CCND2: variants seen among roughly 807,000 people sequenced by gnomAD.
CCND2 encodes G1/S-specific cyclin-D2.
CCND2 carries 6 observed loss-of-function variants against 30.2 expected under a neutral mutation model. That is an observed-to-expected ratio of 0.20 (90% CI 0.11 to 0.39). The LOEUF (loss-of-function observed/expected upper bound fraction) is 0.39. Among genes scored for constraint, CCND2 ranks in the 10% least tolerant of loss-of-function variants. CCND2 has a pLI of 1.00. For missense variants in CCND2, 235 were observed against 373.4 expected, an observed-to-expected ratio of 0.63 and a Z score of 3.06; for synonymous variants, 150 against 153.1, an observed-to-expected ratio of 0.98 and a Z score of 0.15.
chr12:4,290,422 T>A (rs932005784), intron 4 of CCND2, among the ~76,000 whole-genome samples: 1 of 152,232 alleles, frequency 6.6e-6, no homozygotes. Context: ...AGGAAAATCG[T>A]GGACGGGACT....
In CCND2 at chr12:4,274,255, T is replaced by C. The variant is rs1211245280; in HGVS notation, c.195+20T>C. ...CTGGAGGTAGGTCGGGGGGTGGCGCTCGCCAGGAGCCAGGACCCCTCCGGA... is the reference window on the plus strand; with the variant it reads ...CTGGAGGTAGGTCGGGGGGTGGCGCCCGCCAGGAGCCAGGACCCCTCCGGA... On this transcript the variant is annotated intron_variant, in intron 1 of 4. Coordinates refer to ENST00000261254, the MANE Select transcript of CCND2 (RefSeq NM_001759.4). The surrounding 1 kb of genome is among the most constrained non-coding windows in gnomAD (Gnocchi z 7.7). 6.2e-7 allele frequency: 1 copy of C among 1,612,090 alleles called. No homozygotes were observed. The highest frequency in any genetic ancestry group is 8.5e-7 in the Non-Finnish European group (1 of 1,178,776).
Position 4,278,702 on chromosome 12 carries a change from C to T in CCND2, c.412-58C>T, listed in dbSNP as rs1863906381. 1.9e-6 allele frequency: 3 copies of T among 1,583,918 alleles called. No homozygotes were observed. In the East Asian group the frequency reaches 6.7e-5, roughly 36 times the overall value. ...CTGGAGCCCAACCCCCAGCCCCCTA[C>T]ACCAGGTCAGCCTGTGGAATTTAGA... On this transcript the variant is annotated intron_variant, in intron 2 of 4. Transcript: ENST00000261254.
chr12:4,285,353 CCT>C lies in CCND2; in HGVS notation c.572-3488_572-3487del, dbSNP rs1279129749. On this transcript the variant is annotated intron_variant, in intron 3 of 4. Transcript: ENST00000261254. The surrounding 1 kb of genome is among the most constrained non-coding windows in gnomAD (Gnocchi z 4.1). ...ACGATGGCGAGGGCACACCCTCACC[CCT>C]GAGCGTGCCTTCTGCACCAGCATAT... is the stretch of plus-strand genomic sequence containing the variant. 1.0e-6 allele frequency: 1 copy of C among 985,048 alleles called. No individual in the cohort carries two copies. Among genetic ancestry groups the C allele is most frequent in the Non-Finnish European group, 1.2e-6 (1 of 829,720 alleles). 61.0% of individuals were successfully genotyped at this position (985,048 alleles called of 1,614,324 possible).
intron 4 of CCND2, among the ~76,000 whole-genome samples, chr12:4,298,343 A>C (rs1864203027): frequency 6.6e-6 from 1 of 152,216 alleles, no homozygotes; most frequent in Non-Finnish European, 1.5e-5. Context: ...TAGATGAGAG[A>C]TAGGAAAGGA....
rs140175579 is a variant in CCND2 at position 4,276,636 on chromosome 12, C to T, written c.411+416C>T. On this transcript the variant is annotated intron_variant, in intron 2 of 4. Transcript: ENST00000261254. The surrounding 1 kb of genome is among the most constrained non-coding windows in gnomAD (Gnocchi z 4.8). ...ATGTGGCTGTGGTGTCTCCTAAAAA[C>T]TTGGAGTTCAAAGGTAATGCCCTCT... Among the ~76,000 whole-genome samples, 204 of 152,344 alleles carry T rather than the reference C, an allele frequency of 1.3e-3. No individual in the cohort carries two copies. Among genetic ancestry groups the T allele is most frequent in the African/African-American group, 4.7e-3 (194 of 41,586 alleles).
rs372914898 is a variant in CCND2 at position 4,300,038 on chromosome 12, C to T, written c.*29C>T. On this transcript the variant is annotated 3_prime_UTR_variant, in exon 5 of 5. Transcript: ENST00000261254. The stretch of plus-strand genomic sequence containing the variant: ...TGCCAGTTGGGCCGAAAGAGAGAGA[C>T]GCGTCCATAATCTGGTCTCTTCTTC... The T allele has an allele frequency of 3.2e-5, 52 of 1,603,518 alleles. No individual in the cohort carries two copies. The highest frequency in any genetic ancestry group is 4.0e-5 in the African/African-American group (3 of 74,686).
At chr12:4,283,608 A>G (rs1433190840) in intron 3 of CCND2, among the ~76,000 whole-genome samples, 1 of 152,046 alleles carries the variant, frequency 6.6e-6, no homozygotes, top group African/African-American at 2.4e-5. Context: ...TTAATACCTC[A>G]CCATCATCAC....
rs1169497492 is a variant in CCND2 at position 4,285,055 on chromosome 12, G to A, written c.572-3787G>A. Among the ~76,000 whole-genome samples, 1 of 152,100 alleles carries A rather than the reference G, an allele frequency of 6.6e-6. No individual in the cohort carries two copies. Among genetic ancestry groups the A allele is most frequent in the Non-Finnish European group, 1.5e-5 (1 of 68,014 alleles). On this transcript the variant is annotated intron_variant, in intron 3 of 4. Transcript: ENST00000261254. The surrounding 1 kb of genome is among the most constrained non-coding windows in gnomAD (Gnocchi z 4.1). ...CAGCCTTCAAGAGCCCCCTTTCTTT[G>A]AGAAGTTTCTTCAGAAGTTATCCAT... is the stretch of plus-strand genomic sequence containing the variant.
At position 4,286,173 on chromosome 12, in the gene CCND2, C is replaced by T. The variant is rs898792867; in HGVS notation, c.572-2669C>T. ...TTCTCCGAACAATATTTACTCTTAACGACATACGGTGAGCCTGATACTTTC... is the reference window on the plus strand; with the variant it reads ...TTCTCCGAACAATATTTACTCTTAATGACATACGGTGAGCCTGATACTTTC... On this transcript the variant is annotated intron_variant, in intron 3 of 4. Coordinates refer to ENST00000261254, the MANE Select transcript of CCND2 (RefSeq NM_001759.4). Among the ~76,000 whole-genome samples the T allele has an allele frequency of 4.1e-4, 62 of 152,176 alleles. 1 individual carries two copies. The highest frequency in any genetic ancestry group is 1.4e-3 in the African/African-American group (57 of 41,438).
At chr12:4,283,686 T>C (rs1412914579) in intron 3 of CCND2, among the ~76,000 whole-genome samples, 1 of 152,234 alleles carries the variant, frequency 6.6e-6, no homozygotes, top group Non-Finnish European at 1.5e-5. Flanking sequence ...CAGCTGGGAT[T>C]CCCCTAAGGT....
rs1406249525 is a variant in CCND2, at chr12:4,274,492, G to A, written c.195+257G>A. On this transcript the variant is annotated intron_variant, in intron 1 of 4. Coordinates refer to ENST00000261254, the MANE Select transcript of CCND2 (RefSeq NM_001759.4). The surrounding 1 kb of genome is among the most constrained non-coding windows in gnomAD (Gnocchi z 7.7). ...GCGGGGGTAGGGGAGCATCCCGCGC[G>A]CGTGTTCCTGCATGTGGCTGCCTCT... 2.0e-5 allele frequency among the ~76,000 whole-genome samples: 3 copies of A among 152,246 alleles called. No individual in the cohort carries two copies. The highest frequency in any genetic ancestry group is 4.4e-5 in the Non-Finnish European group (3 of 68,050).
rs1158365084 is a variant in CCND2 at position 4,274,015 on chromosome 12, G to C, written c.-26G>C. On this transcript the variant is annotated 5_prime_UTR_variant, in exon 1 of 5. Transcript: ENST00000261254. This position sits in a 1 kb window ranked among gnomAD's most constrained non-coding sequence, Gnocchi z 7.7. ...CCTTTTTCCAGGCCGGGGAAAGCAG[G>C]AGGGAGAGGGGCCGCCGGGCTGGCC... The C allele has an allele frequency of 1.9e-6, 3 of 1,603,000 alleles. No individual in the cohort carries two copies. Among genetic ancestry groups the C allele is most frequent in the Non-Finnish European group, 2.6e-6 (3 of 1,174,190 alleles).
rs958072592 is a variant in CCND2 at position 4,276,567 on chromosome 12, C to T, written c.411+347C>T. Among the ~76,000 whole-genome samples, 1 of 152,052 alleles carries T rather than the reference C, an allele frequency of 6.6e-6. No individual in the cohort carries two copies. Among genetic ancestry groups the T allele is most frequent in the African/African-American group, 2.4e-5 (1 of 41,376 alleles). ...ACAGTGATAATATTTTAATTAAATTCCAAATTTCCAAAAATAGTCTGAGAA... is the reference window on the plus strand; with the variant it reads ...ACAGTGATAATATTTTAATTAAATTTCAAATTTCCAAAAATAGTCTGAGAA... On this transcript the variant is annotated intron_variant, in intron 2 of 4. Transcript: ENST00000261254. This position sits in a 1 kb window ranked among gnomAD's most constrained non-coding sequence, Gnocchi z 4.8.
At position 4,303,223 on chromosome 12, in the gene CCND2, G is replaced by C. The variant is rs1387427239; in HGVS notation, c.*3214G>C. On this transcript the variant is annotated 3_prime_UTR_variant, in exon 5 of 5. Transcript: ENST00000261254. The surrounding 1 kb of genome is among the most constrained non-coding windows in gnomAD (Gnocchi z 4.6). Reference sequence around the variant, plus strand: ...AGCTTTTCTCTTTCCCATCCTTGGGGCCTTGTGTGATGATGGGTGTGGGGC... The same window carrying C: ...AGCTTTTCTCTTTCCCATCCTTGGGCCCTTGTGTGATGATGGGTGTGGGGC... The C allele has an allele frequency of 4.3e-6, 1 of 233,218 alleles. No homozygotes were observed. The highest frequency in any genetic ancestry group is 8.5e-6 in the Non-Finnish European group (1 of 118,144). 14.4% of individuals were successfully genotyped at this position (233,218 alleles called of 1,614,324 possible).
In CCND2 at chr12:4,289,006, C is replaced by G. The variant is rs755471154; in HGVS notation, c.720+16C>G. Reference sequence around the variant, plus strand: ...CACAGACGTGGTAGGTGGCCACCACCTTCTTGGCTAAGTCCAGATGTCTCT... The same window carrying G: ...CACAGACGTGGTAGGTGGCCACCACGTTCTTGGCTAAGTCCAGATGTCTCT... On this transcript the variant is annotated intron_variant, in intron 4 of 4. Coordinates refer to ENST00000261254, the MANE Select transcript of CCND2 (RefSeq NM_001759.4). 1.9e-6 allele frequency: 3 copies of G among 1,602,812 alleles called. No homozygotes were observed. The highest frequency in any genetic ancestry group is 2.6e-6 in the Non-Finnish European group (3 of 1,174,004).
Position 4,285,711 on chromosome 12 carries a change from T to C in CCND2, c.572-3131T>C, listed in dbSNP as rs3217840. On this transcript the variant is annotated intron_variant, in intron 3 of 4. Transcript: ENST00000261254. The surrounding 1 kb of genome is among the most constrained non-coding windows in gnomAD (Gnocchi z 4.1). ...TCCAGGAATGGCTGCATTGGGTAGGTGGAGCTTTCCACAGTTGAGGGTGGG... is the reference window on the plus strand; with the variant it reads ...TCCAGGAATGGCTGCATTGGGTAGGCGGAGCTTTCCACAGTTGAGGGTGGG... Among the ~76,000 whole-genome samples the C allele has an allele frequency of 0.3, 45,760 of 152,136 alleles. 7,406 individuals carry two copies. The highest frequency in any genetic ancestry group is 0.48 in the Middle Eastern group (141 of 294).
At chr12:4,296,171 T>A (rs887965092) in intron 4 of CCND2, among the ~76,000 whole-genome samples, 3 of 152,226 alleles carry the variant, frequency 2.0e-5, no homozygotes, top group Non-Finnish European at 4.4e-5. Flanking sequence ...CTGGTCTCCC[T>A]ATGTGGAGGG....
At chr12:4,284,196 C>T (rs1187756684) in intron 3 of CCND2, among the ~76,000 whole-genome samples, 1 of 152,224 alleles carries the variant, frequency 6.6e-6, no homozygotes, top group Non-Finnish European at 1.5e-5. Flanking sequence ...ACATTCATTG[C>T]TTACCTTGAA....
rs569815337 is a variant in CCND2, at chr12:4,281,444, T to C, written c.571+2525T>C. Reference sequence around the variant, plus strand: ...GGCAAGGACCCAGGACTCTGGCCAGTAGCGGGCACAGAGTGACTGAGAGGC... The same window carrying C: ...GGCAAGGACCCAGGACTCTGGCCAGCAGCGGGCACAGAGTGACTGAGAGGC... On this transcript the variant is annotated intron_variant, in intron 3 of 4. Transcript: ENST00000261254. Among the ~76,000 whole-genome samples the C allele has an allele frequency of 5.9e-5, 9 of 152,284 alleles. No individual in the cohort carries two copies. In the South Asian group the frequency reaches 1.9e-3, roughly 32 times the overall value.
Sources: allele counts gnomAD v4.1 joint callset (sites outside exome capture counted in the v4.1 genomes callset), GRCh38; gene constraint gnomAD v4.1.1; non-coding constraint Gnocchi (gnomAD v3.1); transcripts MANE v1.5; gene names NCBI Gene and HGNC (gene_info 2026-07-23, HGNC 2026-07-21).